BCAR3: variants seen among roughly 807,000 people sequenced by gnomAD.
BCAR3 encodes the protein BCAR3 adaptor protein, NSP family member.
BCAR3 carries 37 observed loss-of-function variants against 80.1 expected under a neutral mutation model. That is an observed-to-expected ratio of 0.46 (90% confidence interval 0.36 to 0.61). The LOEUF (loss-of-function observed/expected upper bound fraction) is 0.61. BCAR3 is among the 20% of genes least tolerant of loss of function. The pLI, the probability that BCAR3 is intolerant of heterozygous loss-of-function variation, is 0.00. For synonymous variants in BCAR3, 389 were observed against 418.9 expected, an observed-to-expected ratio of 0.93 and a Z score of 0.87; for missense variants, 978 against 1,068.2, an observed-to-expected ratio of 0.92 and a Z score of 1.18.
chr1:93,563,773 A>G (rs950289231), intron 11 of BCAR3, among the ~76,000 whole-genome samples: 1 of 152,048 alleles, frequency 6.6e-6, no homozygotes, highest in African/African-American at 2.4e-5. Context: ...GCTCACCACA[A>G]CCTCTACCTC....
At chr1:93,822,247 G>A (rs1418900031) in intron 2 of BCAR3, among the ~76,000 whole-genome samples, 1 of 148,396 alleles carries the variant, frequency 6.7e-6, no homozygotes, top group Non-Finnish European at 1.5e-5. Context: ...GTGTGATCTC[G>A]GCTCACTGCA....
At chr1:93,749,886 C>CTT (rs754541949) in intron 2 of BCAR3, among the ~76,000 whole-genome samples, 10,280 of 138,958 alleles carry the variant, frequency 0.074, 647 homozygotes, top group African/African-American at 0.15. Flanking sequence ...ATGATCTTGA[C>CTT]TTATTTTTTT....
chr1:93,588,233 C>T (rs776873072), intron 5 of BCAR3, among the ~76,000 whole-genome samples: 8 of 152,126 alleles, frequency 5.3e-5, no homozygotes, highest in Non-Finnish European at 1.2e-4. Context: ...TTTTATCCTC[C>T]AAAGTCCCCT....
chr1:93,585,144 G>C (rs1298523695), intron 5 of BCAR3: 1 of 985,294 alleles, frequency 1.0e-6, no homozygotes, highest in Non-Finnish European at 1.2e-6. Flanking sequence ...CCAGGGGCCA[G>C]AACGGCAGGG....
At chr1:93,606,554 T>G (rs2101873251) in intron 3 of BCAR3, among the ~76,000 whole-genome samples, 1 of 152,216 alleles carries the variant, frequency 6.6e-6, no homozygotes, top group South Asian at 2.1e-4. Context: ...GAGGGCATAG[T>G]GGGTTTGTGG....
chr1:93,721,952 T>C (rs1650420694), intron 2 of BCAR3, among the ~76,000 whole-genome samples: 1 of 152,220 alleles, frequency 6.6e-6, no homozygotes, highest in South Asian at 2.1e-4. Flanking sequence ...GGCTGGTGCA[T>C]CACAAGTGCT....
intron 2 of BCAR3, among the ~76,000 whole-genome samples, chr1:93,817,891 C>T (rs1454411770): frequency 6.6e-6 from 1 of 152,178 alleles, no homozygotes; most frequent in Non-Finnish European, 1.5e-5. Context: ...TCCCAGTTCA[C>T]CTTCCCCTAG....
At position 93,770,672 on chromosome 1, in the gene BCAR3, T is replaced by A. The variant is rs112476723; in HGVS notation, c.-62-64530A>T. 2.2e-4 allele frequency among the ~76,000 whole-genome samples: 33 copies of A among 152,288 alleles called. No individual in the cohort carries two copies. In the East Asian group the frequency reaches 3.1e-3, roughly 14 times the overall value. ...AAATATAAGGAAACTAATGCTTCAA[T>A]AGGTTATCAACAATTTATCCAAATA... On this transcript the variant is annotated intron_variant, in intron 2 of 13. Coordinates refer to the BCAR3 transcript ENST00000370244.
intron 2 of BCAR3, among the ~76,000 whole-genome samples, chr1:93,746,315 G>GTGCTCAATTCAAGCCTC (rs1651355946): frequency 6.6e-6 from 1 of 152,204 alleles, no homozygotes; most frequent in Admixed American, 6.5e-5. Flanking sequence ...CTACAAGGCT[G>GTGCTCAATTCAAGCCTC]TGCTCAATTC....
chr1:93,755,405 C>A (rs1221358611), intron 2 of BCAR3, among the ~76,000 whole-genome samples: 1 of 152,210 alleles, frequency 6.6e-6, no homozygotes, highest in African/African-American at 2.4e-5. Context: ...GTCCTGCAAG[C>A]TCCATTCATG....
chr1:93,819,683 C>T lies in BCAR3; in HGVS notation c.-63+25884G>A, dbSNP rs963686748. 6.6e-5 allele frequency among the ~76,000 whole-genome samples: 10 copies of T among 152,246 alleles called. No homozygotes were observed. The South Asian group carries it at 2.1e-3, about 32-fold the overall frequency. On this transcript the variant is annotated intron_variant, in intron 2 of 13. Coordinates refer to the BCAR3 transcript ENST00000370244. ...AAATTCAGGCAGACGCTGCTGGGTG[C>T]GAGTATCTTTTCACCTACCACAAAC... is the stretch of plus-strand genomic sequence containing the variant.
intron 2 of BCAR3, among the ~76,000 whole-genome samples, chr1:93,817,200 A>C (rs962110114): frequency 1.3e-5 from 2 of 152,150 alleles, no homozygotes; most frequent in Non-Finnish European, 2.9e-5. Flanking sequence ...ATTTAGCCTT[A>C]TATGTGAGCA....
chr1:93,739,920 C>A (rs1203320182), intron 2 of BCAR3, among the ~76,000 whole-genome samples: 2 of 151,928 alleles, frequency 1.3e-5, no homozygotes, highest in Non-Finnish European at 2.9e-5. Context: ...CCTGTAATCC[C>A]AGCTACTCGG....
At chr1:93,727,409 T>C (rs1650632184) in intron 2 of BCAR3, among the ~76,000 whole-genome samples, 1 of 152,216 alleles carries the variant, frequency 6.6e-6, no homozygotes, top group South Asian at 2.1e-4. Context: ...ACTCTTGAAT[T>C]TGGGTCAGAA....
chr1:93,764,033 C>T (rs185960168), intron 2 of BCAR3, among the ~76,000 whole-genome samples: 6 of 152,194 alleles, frequency 3.9e-5, no homozygotes, highest in Non-Finnish European at 7.4e-5. Flanking sequence ...CACATAGATC[C>T]GGAAAGTGCT....
chr1:93,595,007 A>G (rs890672666), intron 3 of BCAR3, among the ~76,000 whole-genome samples: 2 of 152,236 alleles, frequency 1.3e-5, no homozygotes, highest in Non-Finnish European at 2.9e-5. Flanking sequence ...TGGTTACAAA[A>G]AATATAAAAT....
chr1:93,817,584 G>A (rs1462497554), intron 2 of BCAR3, among the ~76,000 whole-genome samples: 2 of 152,152 alleles, frequency 1.3e-5, no homozygotes, highest in African/African-American at 4.8e-5. Flanking sequence ...TGGCTCTAAA[G>A]CCTGTGCCCT....
chr1:93,805,215 T>G (rs1367563773), intron 2 of BCAR3, among the ~76,000 whole-genome samples: 1 of 152,150 alleles, frequency 6.6e-6, no homozygotes, highest in Non-Finnish European at 1.5e-5. Flanking sequence ...GGAATCTGCT[T>G]TATAGAGATT....
intron 2 of BCAR3, among the ~76,000 whole-genome samples, chr1:93,716,420 C>T (rs1471099419): frequency 6.6e-6 from 1 of 152,204 alleles, no homozygotes; most frequent in African/African-American, 2.4e-5. Flanking sequence ...ACCAATTTCT[C>T]TGCTCAAAAC....
Sources: allele counts gnomAD v4.1 joint callset (sites outside exome capture counted in the v4.1 genomes callset), GRCh38; gene constraint gnomAD v4.1.1; transcripts MANE v1.5; gene names NCBI Gene and HGNC (gene_info 2026-07-23, HGNC 2026-07-21).